Variants in SUN5 observed in about 807,000 individuals in gnomAD.
SUN5 encodes the protein Sad1 and UNC84 domain containing 5.
SUN5 carries 44 observed loss-of-function variants against 53.7 expected under a neutral mutation model. The observed-to-expected ratio is 0.82, with a 90% CI of 0.64 to 1.05. SUN5 has a LOEUF of 1.05. Ranked by LOEUF, SUN5 falls within the 50% of genes least tolerant of loss-of-function variation. The pLI is 0.00. For missense variants in SUN5, 433 were observed against 483.8 expected (o/e 0.90, Z 0.98); for synonymous variants, 166 against 179.8 (o/e 0.92, Z 0.62).
chr20:32,997,058 T>G (rs1401069064), intron 6 of SUN5, among the ~76,000 whole-genome samples: 1 of 152,218 alleles, frequency 6.6e-6, no homozygotes, highest in African/African-American at 2.4e-5. Context: ...AAGAGGAATG[T>G]GACAACTTCT....
chr20:32,994,058 C>G (rs1989775874), intron 8 of SUN5, among the ~76,000 whole-genome samples: 1 of 152,200 alleles, frequency 6.6e-6, no homozygotes, highest in South Asian at 2.1e-4. Flanking sequence ...GTGAGAGACA[C>G]ATTTGGAGAC....
At chr20:33,001,816 G>T (rs369049474) in intron 3 of SUN5, among the ~76,000 whole-genome samples, 1 of 151,704 alleles carries the variant, frequency 6.6e-6, no homozygotes, top group African/African-American at 2.4e-5. Flanking sequence ...CTACAAGTGC[G>T]TGCCACCACG....
chr20:32,984,426 G>A (rs183917139), intron 12 of SUN5, among the ~76,000 whole-genome samples: 1 of 152,172 alleles, frequency 6.6e-6, no homozygotes, highest in Non-Finnish European at 1.5e-5. Context: ...CCAAGCAAGA[G>A]GGGGTGGAGC....
Position 32,985,866 on chromosome 20 carries a change from C to G in SUN5, c.767G>C (p.Gly256Ala). 3.1e-6 allele frequency: 5 copies of G among 1,614,080 alleles called. No individual in the cohort carries two copies. Among genetic ancestry groups the G allele is most frequent in the Non-Finnish European group, 4.2e-6 (5 of 1,179,960 alleles). Residue 256 changes from glycine to alanine, a missense_variant, in exon 11 of 13, where the codon GGT becomes GCT. Coordinates refer to ENST00000356173, the MANE Select transcript of SUN5 (RefSeq NM_080675.4). ...VTPGNCWAFEGDRGQVTIQLA... is the reference protein window; with the variant it reads ...VTPGNCWAFEADRGQVTIQLA... Reference sequence around the variant, plus strand: ...TTGGATGGTCACCTGGCCGCGGTCACCCTCAAAGGCCCAGCAATTGCCAGG... The same window carrying G: ...TTGGATGGTCACCTGGCCGCGGTCAGCCTCAAAGGCCCAGCAATTGCCAGG...
rs561897660 is a variant in SUN5 at position 32,988,665 on chromosome 20, C to T, written c.614-890G>A. Among the ~76,000 whole-genome samples the T allele has an allele frequency of 8.2e-3, 1,215 of 147,464 alleles. 10 individuals carry two copies. The highest frequency in any genetic ancestry group is 0.013 in the Non-Finnish European group (874 of 66,538). On this transcript the variant is annotated intron_variant, in intron 9 of 12. Transcript: ENST00000356173. ...GTGCAGTGGCGCGATCCTGGCTCACCGCAACCTCCGTCCCCCAGGTTCAAA... is the reference window on the plus strand; with the variant it reads ...GTGCAGTGGCGCGATCCTGGCTCACTGCAACCTCCGTCCCCCAGGTTCAAA...
intron 6 of SUN5, 115 bp downstream of exon 6, chr20:32,997,523 G>C: frequency 1.8e-6 from 2 of 1,081,462 alleles, no homozygotes; most frequent in Admixed American, 2.2e-5. Flanking sequence ...TCTGGGTCAA[G>C]TCAGGAACTG....
intron 7 of SUN5, 147 bp downstream of exon 7, chr20:32,996,177 G>A: frequency 1.4e-6 from 1 of 710,952 alleles, no homozygotes; most frequent in Non-Finnish European, 2.3e-6. Flanking sequence ...CTTGCCTAAG[G>A]TCAGCCATGT....
At chr20:32,986,915 C>A (rs918111438) in intron 10 of SUN5, among the ~76,000 whole-genome samples, 3 of 152,220 alleles carry the variant, frequency 2.0e-5, no homozygotes, top group African/African-American at 7.2e-5. Flanking sequence ...TCGGCTGCGG[C>A]CACCAGGAAG....
At chr20:32,994,791 C>CAGGAGGCGG (rs11472969) in intron 8 of SUN5, among the ~76,000 whole-genome samples, 1 of 151,320 alleles carries the variant, frequency 6.6e-6, no homozygotes, top group Non-Finnish European at 1.5e-5. Flanking sequence ...CCCAGCTACT[C>CAGGAGGCGG]AGGTGTAGGA....
At chr20:32,985,649 CA>C (rs1383872070) in intron 11 of SUN5, 86 bp downstream of exon 11, 3 of 1,508,030 alleles carry the variant, frequency 2.0e-6, no homozygotes, top group East Asian at 2.3e-5. Flanking sequence ...AAGTGTTGTG[CA>C]GACACTGTTT....
intron 8 of SUN5, among the ~76,000 whole-genome samples, chr20:32,994,760 G>A (rs987961360): frequency 9.3e-5 from 14 of 150,190 alleles, no homozygotes; most frequent in African/African-American, 2.4e-4. Flanking sequence ...TTAGCTGAGC[G>A]TGGTAATGTG....
At chr20:32,995,770 T>C in intron 7 of SUN5, 43 bp from the exon 8 acceptor site, 1 of 1,559,236 alleles carries the variant, frequency 6.4e-7, no homozygotes. Context: ...TGATTTGTGA[T>C]GCGTTGTTGT....
chr20:32,992,574 C>T (rs1330755945), intron 8 of SUN5, among the ~76,000 whole-genome samples: 1 of 132,032 alleles, frequency 7.6e-6, no homozygotes, highest in Non-Finnish European at 1.7e-5. Flanking sequence ...ATACCCAAAG[C>T]ACTGCACAAA....
At position 32,987,734 on chromosome 20, in the gene SUN5, G is replaced by A; in HGVS notation, c.655C>T (p.His219Tyr). The part of the protein sequence containing the change: ...DFEHTSVTYN[H>Y]EKAHSYWNWI... ...TTCCAGTAGGAGTGGGCCTTCTCAT[G>A]GTTATAGGTGACTGACGTGTGCTCA... is the stretch of plus-strand genomic sequence containing the variant. The change falls in exon 10 of 13, where the codon CAT becomes TAT. Residue 219 changes from histidine to tyrosine, a missense_variant. Coordinates refer to ENST00000356173, the MANE Select transcript of SUN5 (RefSeq NM_080675.4). The A allele has an allele frequency of 6.2e-7, 1 of 1,613,500 alleles. No individual in the cohort carries two copies.
At position 33,000,317 on chromosome 20, in the gene SUN5, C is replaced by T. The variant is rs1261174947; in HGVS notation, c.279-182G>A. ...CCCCTCCTCCAAAGACCTCCACAGGCAATGCTCCCAACCCTGTGAACTTGG... is the reference window on the plus strand; with the variant it reads ...CCCCTCCTCCAAAGACCTCCACAGGTAATGCTCCCAACCCTGTGAACTTGG... On this transcript the variant is annotated intron_variant, in intron 4 of 12. Coordinates refer to ENST00000356173, the MANE Select transcript of SUN5 (RefSeq NM_080675.4). Among the ~76,000 whole-genome samples, 4 of 152,240 alleles carry T rather than the reference C, an allele frequency of 2.6e-5. No homozygotes were observed. The East Asian group carries it at 5.8e-4, about 22-fold the overall frequency.
chr20:32,992,666 G>C (rs141089099), intron 8 of SUN5, among the ~76,000 whole-genome samples: 1 of 152,152 alleles, frequency 6.6e-6, no homozygotes, highest in Non-Finnish European at 1.5e-5. Context: ...GCTATAGCCT[G>C]GGAGGAGATA....
intron 8 of SUN5, 94 bp downstream of exon 8, chr20:32,995,525 G>T: frequency 9.5e-7 from 1 of 1,054,814 alleles, no homozygotes; most frequent in Non-Finnish European, 1.4e-6. Context: ...CTCAAAATGA[G>T]AGATAAAACC....
chr20:33,001,509 T>TTC (rs1600502731), intron 3 of SUN5, among the ~76,000 whole-genome samples: 6 of 41,876 alleles, frequency 1.4e-4, no homozygotes, highest in East Asian at 1.0e-3. Flanking sequence ...AACAGACATT[T>TTC]TCTTTCTTTC....
intron 5 of SUN5, among the ~76,000 whole-genome samples, chr20:32,998,628 C>A (rs913194009): frequency 1.3e-5 from 2 of 152,146 alleles, no homozygotes; most frequent in African/African-American, 4.8e-5. Flanking sequence ...AAAGACTGGG[C>A]GCTTTTCCCC....
Sources: allele counts gnomAD v4.1 joint callset (sites outside exome capture counted in the v4.1 genomes callset), GRCh38; gene constraint gnomAD v4.1.1; transcripts MANE v1.5; gene names NCBI Gene and HGNC (gene_info 2026-07-23, HGNC 2026-07-21).